TRAPPC10: variants seen among roughly 807,000 people sequenced by gnomAD.
The protein encoded by TRAPPC10 is TRAPP 130 kDa subunit.
Under a neutral mutation model 125.5 loss-of-function variants are expected in TRAPPC10, and 23 were observed. The ratio of observed to expected loss-of-function variants is 0.18; its 90% CI spans 0.13 to 0.26. TRAPPC10 has a LOEUF of 0.26. TRAPPC10 is among the 10% of genes least tolerant of loss of function. TRAPPC10 has a pLI of 1.00. For missense variants in TRAPPC10, 1,123 were observed against 1,308.4 expected (o/e 0.86, Z 2.19); for synonymous variants, 509 against 518.0 (o/e 0.98, Z 0.24).
intron 3 of TRAPPC10, among the ~76,000 whole-genome samples, chr21:44,047,540 G>GTGTGTGTGTGTA (rs1316197038): frequency 6.7e-6 from 1 of 149,048 alleles, no homozygotes; most frequent in Non-Finnish European, 1.5e-5. Flanking sequence ...GTATGTGTGT[G>GTGTGTGTGTGTA]TGTGTGTGTG....
chr21:44,070,525 T>C (rs1169845537), intron 7 of TRAPPC10, among the ~76,000 whole-genome samples: 1 of 152,154 alleles, frequency 6.6e-6, no homozygotes, highest in African/African-American at 2.4e-5. Context: ...GTCTTTGTTG[T>C]GTTGGGTGCT....
intron 13 of TRAPPC10, among the ~76,000 whole-genome samples, chr21:44,080,683 GC>G (rs1366287641): frequency 1.3e-5 from 2 of 151,628 alleles, no homozygotes; most frequent in South Asian, 2.1e-4. Flanking sequence ...GGTTACGTGC[GC>G]CCGCCACCAT....
chr21:44,089,447 G>A, intron 17 of TRAPPC10: 1 of 427,144 alleles, frequency 2.3e-6, no homozygotes, highest in East Asian at 7.2e-5. Context: ...AATGTCATCT[G>A]GAAATACATG....
chr21:44,020,602 C>T (rs1192303978), intron 1 of TRAPPC10, among the ~76,000 whole-genome samples: 1 of 151,924 alleles, frequency 6.6e-6, no homozygotes, highest in Admixed American at 6.6e-5. Context: ...CCACTTCACT[C>T]CAGTCTGGGC....
Position 44,055,678 on chromosome 21 carries a change from G to A in TRAPPC10, c.483-20G>A. On this transcript the variant is annotated intron_variant, in intron 4 of 22. Transcript: ENST00000291574. ...GTGCATGGAGGGTCTTTCCCAGATAGTCTGTTCATGTCTTTGCAGGTGTGT... is the reference window on the plus strand; with the variant it reads ...GTGCATGGAGGGTCTTTCCCAGATAATCTGTTCATGTCTTTGCAGGTGTGT... The A allele has an allele frequency of 2.6e-6, 4 of 1,567,758 alleles. No homozygotes were observed. The highest frequency in any genetic ancestry group is 2.6e-6 in the Non-Finnish European group (3 of 1,146,068).
chr21:44,093,265 C>G (rs956916976), intron 19 of TRAPPC10, among the ~76,000 whole-genome samples: 12 of 151,802 alleles, frequency 7.9e-5, no homozygotes, highest in Admixed American at 2.0e-4. Context: ...TTGAGACCAG[C>G]CTGAGCAACG....
At chr21:44,061,587 C>T (rs2036061497) in intron 6 of TRAPPC10, among the ~76,000 whole-genome samples, 1 of 152,142 alleles carries the variant, frequency 6.6e-6, no homozygotes, top group Admixed American at 6.5e-5. Flanking sequence ...AAATATCTTA[C>T]ATTTTTTTAA....
chr21:44,036,028 C>T (rs1466005531), intron 2 of TRAPPC10, among the ~76,000 whole-genome samples: 1 of 152,016 alleles, frequency 6.6e-6, no homozygotes, highest in Non-Finnish European at 1.5e-5. Context: ...TCACGGAGCT[C>T]CAGGATCCAC....
At chr21:44,072,337 A>C (rs904108495) in intron 7 of TRAPPC10, among the ~76,000 whole-genome samples, 2 of 151,990 alleles carry the variant, frequency 1.3e-5, no homozygotes, top group Non-Finnish European at 2.9e-5. Context: ...TTCTGCATCC[A>C]GCGTCCTCTG....
At position 44,087,625 on chromosome 21, in the gene TRAPPC10, A is replaced by C; in HGVS notation, c.2540-74A>C. 7.2e-7 allele frequency: 1 copy of C among 1,388,324 alleles called. No individual in the cohort carries two copies. Among genetic ancestry groups the C allele is most frequent in the African/African-American group, 1.4e-5 (1 of 70,958 alleles). 86.0% of individuals were successfully genotyped at this position (1,388,324 alleles called of 1,614,324 possible). A position where few individuals can be genotyped will look rare whatever the true frequency, so the allele number is the denominator to read the frequency against. Reference sequence around the variant, plus strand: ...TGAGCAGTGGCCTCACTGCTGGGCCATCACCTGCTGTAAGGAAAAGGACAA... The same window carrying C: ...TGAGCAGTGGCCTCACTGCTGGGCCCTCACCTGCTGTAAGGAAAAGGACAA... On this transcript the variant is annotated intron_variant, in intron 16 of 22. Coordinates refer to ENST00000291574, the MANE Select transcript of TRAPPC10 (RefSeq NM_003274.5). This position sits in a 1 kb window ranked among gnomAD's most constrained non-coding sequence, Gnocchi z 4.6.
At chr21:44,089,246 T>G in intron 17 of TRAPPC10, 3 of 327,432 alleles carry the variant, frequency 9.2e-6, no homozygotes, top group Non-Finnish European at 1.8e-5. Context: ...ACGCACGCTG[T>G]GTGCTGGGGT....
chr21:44,037,955 G>A (rs776969847), intron 3 of TRAPPC10, 28 bp downstream of exon 3: 21 of 1,608,944 alleles, frequency 1.3e-5, no homozygotes, highest in East Asian at 2.2e-5. Context: ...AAGAGGATGC[G>A]CGGTGGGATG....
intron 4 of TRAPPC10, among the ~76,000 whole-genome samples, chr21:44,053,780 C>T (rs534078969): frequency 7.2e-5 from 11 of 152,284 alleles, no homozygotes; most frequent in Non-Finnish European, 1.5e-4. Context: ...CTGCAGTCTG[C>T]GCGCCTGGGG....
intron 7 of TRAPPC10, among the ~76,000 whole-genome samples, chr21:44,069,209 C>A (rs917184489): frequency 6.6e-6 from 1 of 152,122 alleles, no homozygotes; most frequent in Non-Finnish European, 1.5e-5. Context: ...CTTCTCTTCA[C>A]TGAAAGGTAC....
At chr21:44,069,040 A>C (rs115565808) in intron 7 of TRAPPC10, among the ~76,000 whole-genome samples, 2,633 of 152,324 alleles carry the variant, frequency 0.017, 75 homozygotes, top group African/African-American at 0.059. Flanking sequence ...TGATCTAAAC[A>C]TGAAAAATAA....
intron 2 of TRAPPC10, among the ~76,000 whole-genome samples, chr21:44,033,566 G>C (rs2033756381): frequency 6.6e-6 from 1 of 152,186 alleles, no homozygotes; most frequent in Non-Finnish European, 1.5e-5. Context: ...AAATTAAATG[G>C]AGAAACTATG....
intron 11 of TRAPPC10, 65 bp from the exon 12 acceptor site, chr21:44,079,499 A>G: frequency 6.5e-7 from 1 of 1,534,388 alleles, no homozygotes; most frequent in Non-Finnish European, 8.7e-7. Context: ...AGCGGGAGAG[A>G]TGGGGTTTCA....
rs778368077 is a variant in TRAPPC10 at position 44,075,157 on chromosome 21, CT to C, written c.1300+10del. On this transcript the variant is annotated splice_donor_5th_base_variant and intron_variant, in intron 9 of 22. Coordinates refer to ENST00000291574, the MANE Select transcript of TRAPPC10 (RefSeq NM_003274.5). The stretch of plus-strand genomic sequence containing the variant: ...GGAGCTGAGCGACCAGAAACAGGTA[CT>C]TTTTTGTATATACCTGTGTGAGTGG... 1 of 1,605,218 alleles carries C rather than the reference CT, an allele frequency of 6.2e-7. No individual in the cohort carries two copies. The highest frequency in any genetic ancestry group is 8.5e-7 in the Non-Finnish European group (1 of 1,172,124).
chr21:44,060,911 T>TAC (rs1230320455), intron 6 of TRAPPC10, among the ~76,000 whole-genome samples: 30 of 106,462 alleles, frequency 2.8e-4, no homozygotes, highest in African/African-American at 6.8e-4. Context: ...TATACATACA[T>TAC]ACATACACAC....
Sources: gnomAD v4.1 joint callset for allele counts (sites outside exome capture counted in the v4.1 genomes callset) on GRCh38, gnomAD v4.1.1 for gene constraint, Gnocchi (gnomAD v3.1) non-coding constraint, MANE v1.5 for transcripts, NCBI Gene and HGNC (gene_info 2026-07-23, HGNC 2026-07-21) for gene names.